ITGA6: variants seen among roughly 807,000 people sequenced by gnomAD.
ITGA6 encodes integrin subunit alpha 6.
In ITGA6, 63 loss-of-function variants were observed where a neutral mutation model predicts 133.6. The ratio of observed to expected loss-of-function variants is 0.47; its 90% CI spans 0.38 to 0.58. ITGA6 has a LOEUF of 0.58. ITGA6 is among the 20% of genes least tolerant of loss of function. The pLI, the probability that ITGA6 is intolerant of heterozygous loss-of-function variation, is 0.00. For missense variants in ITGA6, 1,068 were observed against 1,309.4 expected, an observed-to-expected ratio of 0.82 and a Z score of 2.85; for synonymous variants, 434 against 482.0, an observed-to-expected ratio of 0.90 and a Z score of 1.30.
chr2:172,475,517 G>C, intron 7 of ITGA6, 80 bp from the exon 8 acceptor site: 1 of 855,632 alleles, frequency 1.2e-6, no homozygotes, highest in South Asian at 1.3e-5. Flanking sequence ...AATAGTGCTT[G>C]TGTCATCTTA....
chr2:172,449,444 T>C (rs1029923813), intron 1 of ITGA6, among the ~76,000 whole-genome samples: 4 of 152,220 alleles, frequency 2.6e-5, no homozygotes, highest in African/African-American at 7.2e-5. Flanking sequence ...ATATACCAGC[T>C]ACTGCTCCAG....
chr2:172,479,489 T>C, intron 9 of ITGA6, 152 bp from the exon 10 acceptor site: 2 of 738,054 alleles, frequency 2.7e-6, no homozygotes, highest in South Asian at 1.4e-5. Context: ...TAACAGTTAT[T>C]TTCTTCAGCA....
At position 172,503,050 on chromosome 2, in the gene ITGA6, G is replaced by A. The variant is rs532450521; in HGVS notation, c.*23-1041G>A. Among the ~76,000 whole-genome samples, 11 of 151,746 alleles carry A rather than the reference G, an allele frequency of 7.2e-5. No homozygotes were observed. In the South Asian group the frequency reaches 2.1e-3, roughly 29 times the overall value. On this transcript the variant is annotated intron_variant, in intron 25 of 25. Coordinates refer to ENST00000684293, the MANE Select transcript of ITGA6 (RefSeq NM_000210.4). ...TTGGTCCATTTTGCCTATTGATTTA[G>A]TGATAACTATACATATAATTTTATC...
In ITGA6 at chr2:172,491,488, G is replaced by A; in HGVS notation, c.2953G>A (p.Ala985Thr). The change falls in exon 23 of 26, where the codon GCC becomes ACC. Residue 985 changes from alanine to threonine, a missense_variant. By Grantham distance (58) the Ala-to-Thr change is moderately conservative. This residue lies in a region of ITGA6 where 609 missense variants were observed against 707.2 expected (regional missense o/e 0.86). Coordinates refer to ENST00000684293, the MANE Select transcript of ITGA6 (RefSeq NM_000210.4). This position sits in a 1 kb window ranked among gnomAD's most constrained non-coding sequence, Gnocchi z 4.4. ...AGCCTTCATTGATGTGACTGCTGCT[G>A]CCGAAAATATCAGGCTGCCAAATGC... is the stretch of plus-strand genomic sequence containing the variant. ...MRAFIDVTAA[A>T]ENIRLPNAGT... 1 of 1,613,690 alleles carries A rather than the reference G, an allele frequency of 6.2e-7. No individual in the cohort carries two copies. The highest frequency in any genetic ancestry group is 1.1e-5 in the South Asian group (1 of 91,072).
chr2:172,481,137 C>T (rs1393433777), intron 11 of ITGA6: 2 of 152,242 alleles, frequency 1.3e-5, no homozygotes, highest in Non-Finnish European at 2.9e-5. Flanking sequence ...TTGTGAAGAA[C>T]AAGGTCATTC....
Position 172,486,176 on chromosome 2 carries a change from C to CAAAAAAAA in ITGA6, c.1855-833_1855-826dup, listed in dbSNP as rs67271824. Among the ~76,000 whole-genome samples, 138 of 77,258 alleles carry CAAAAAAAA rather than the reference C, an allele frequency of 1.8e-3. 3 individuals carry two copies. Among genetic ancestry groups the CAAAAAAAA allele is most frequent in the East Asian group, 0.017 (27 of 1,566 alleles). 50.7% of individuals were successfully genotyped at this position (77,258 alleles called of 152,430 possible). Reference sequence around the variant, plus strand: ...GGCAAAAAGAGTAAGACTCTATCTCCAAAAAAAAAAAAAAAAAAAAACAAC... The same window carrying CAAAAAAAA: ...GGCAAAAAGAGTAAGACTCTATCTCCAAAAAAAAAAAAAAAAAAAAAAAAAAAAACAAC... On this transcript the variant is annotated intron_variant, in intron 13 of 25. Transcript: ENST00000684293.
Position 172,491,961 on chromosome 2 carries a change from A to G in ITGA6, c.2988+438A>G, listed in dbSNP as rs1354096695. Among the ~76,000 whole-genome samples the G allele has an allele frequency of 6.6e-6, 1 of 152,202 alleles. No individual in the cohort carries two copies. The highest frequency in any genetic ancestry group is 1.9e-4 in the East Asian group (1 of 5,188). On this transcript the variant is annotated intron_variant, in intron 23 of 25. Transcript: ENST00000684293. The surrounding 1 kb of genome is among the most constrained non-coding windows in gnomAD (Gnocchi z 4.4). ...GTTATGCCCCTCAAACAAGTCTAAA[A>G]TAAGTTCTCTCTCTTGGCCATGTAG...
intron 1 of ITGA6, chr2:172,428,730 G>C (rs895246428): frequency 1.3e-5 from 2 of 152,144 alleles, no homozygotes; most frequent in African/African-American, 4.8e-5. Context: ...CAAAATGTCC[G>C]ATCTGAGCCT....
intron 19 of ITGA6, among the ~76,000 whole-genome samples, chr2:172,488,590 G>A (rs1344272): frequency 0.24 from 36,196 of 152,128 alleles, 4,927 homozygotes; most frequent in East Asian, 0.55. Context: ...TATGCCTGTA[G>A]GAAAGGCAGT....
At chr2:172,494,236 C>G (rs10497385) in intron 23 of ITGA6, among the ~76,000 whole-genome samples, 7,934 of 152,156 alleles carry the variant, frequency 0.052, 450 homozygotes, top group East Asian at 0.21. Context: ...GTTTTGTGTT[C>G]ATCTTTTAAT....
intron 1 of ITGA6, among the ~76,000 whole-genome samples, chr2:172,462,534 G>A (rs1344708290): frequency 1.3e-5 from 2 of 152,208 alleles, no homozygotes; most frequent in Admixed American, 6.5e-5. Context: ...TGTAAGACAC[G>A]AGGACCTCTT....
chr2:172,465,559 G>T lies in ITGA6; in HGVS notation c.203G>T (p.Arg68Leu). The T allele has an allele frequency of 6.2e-7, 1 of 1,614,222 alleles. No homozygotes were observed. The highest frequency in any genetic ancestry group is 8.5e-7 in the Non-Finnish European group (1 of 1,180,040). The change falls in exon 2 of 26, where the codon CGG (arginine) becomes CTG (leucine). Residue 68 changes from arginine to leucine, a missense_variant. Around this residue, in one of 3 missense-constraint regions of ITGA6, gnomAD observed 142 missense variants for 145.3 expected, o/e 0.98. Coordinates refer to ENST00000684293, the MANE Select transcript of ITGA6 (RefSeq NM_000210.4). Reference sequence around the variant, plus strand: ...AACAGGTTGCTCGTGGGGGCCCCGCGGGCAGAAGCGCTTCCACTGCAGAGA... The same window carrying T: ...AACAGGTTGCTCGTGGGGGCCCCGCTGGCAGAAGCGCTTCCACTGCAGAGA... ...DKRLLLVGAPRAEALPLQRAN... is the reference protein window; with the variant it reads ...DKRLLLVGAPLAEALPLQRAN...
At chr2:172,483,875 A>G (rs1354590079) in intron 11 of ITGA6, among the ~76,000 whole-genome samples, 1 of 152,212 alleles carries the variant, frequency 6.6e-6, no homozygotes, top group Non-Finnish European at 1.5e-5. Flanking sequence ...CAATGGCATG[A>G]ATTCAGCTCA....
intron 23 of ITGA6, among the ~76,000 whole-genome samples, chr2:172,492,657 C>T (rs1444701623): frequency 6.6e-6 from 1 of 152,082 alleles, no homozygotes; most frequent in African/African-American, 2.4e-5. Flanking sequence ...CCCACAGGGA[C>T]TTGTATAAAG....
chr2:172,480,476 G>A (rs1317582580), intron 11 of ITGA6, among the ~76,000 whole-genome samples: 4 of 152,000 alleles, frequency 2.6e-5, no homozygotes, highest in Non-Finnish European at 4.4e-5. Flanking sequence ...CAGAGTCACT[G>A]CCAGGCTGCC....
At chr2:172,432,982 C>T (rs1684166806) in intron 1 of ITGA6, among the ~76,000 whole-genome samples, 1 of 152,118 alleles carries the variant, frequency 6.6e-6, no homozygotes, top group Admixed American at 6.5e-5. Context: ...ATATTTAACT[C>T]TTTCGGTAGG....
intron 1 of ITGA6, among the ~76,000 whole-genome samples, chr2:172,437,569 A>G (rs1274458150): frequency 6.6e-6 from 1 of 152,048 alleles, no homozygotes; most frequent in African/African-American, 2.4e-5. Flanking sequence ...GTATGGTTTT[A>G]GATATGTCAG....
chr2:172,438,921 G>T (rs1684430681), intron 1 of ITGA6, among the ~76,000 whole-genome samples: 1 of 151,954 alleles, frequency 6.6e-6, no homozygotes, highest in African/African-American at 2.4e-5. Context: ...TTGGAAGAAG[G>T]AAGAGAAGAT....
At chr2:172,445,091 A>T (rs111728262) in intron 1 of ITGA6, among the ~76,000 whole-genome samples, 1 of 151,088 alleles carries the variant, frequency 6.6e-6, no homozygotes, top group African/African-American at 2.4e-5. Flanking sequence ...TCAGCCTCCC[A>T]AGTAGCTGGG....
Sources: gnomAD v4.1 joint callset for allele counts (sites outside exome capture counted in the v4.1 genomes callset) on GRCh38, gnomAD v4.1.1 for gene constraint, gnomAD v4.1.1 regional missense constraint, Gnocchi (gnomAD v3.1) non-coding constraint, MANE v1.5 for transcripts, NCBI Gene and HGNC (gene_info 2026-07-23, HGNC 2026-07-21) for gene names.